Variants in ATRX observed in about 807,000 individuals in gnomAD.
ATRX encodes ATRX chromatin remodeler.
A neutral mutation model predicts 172.6 loss-of-function variants in ATRX; 12 were observed. The observed-to-expected ratio is 0.07, with a 90% confidence interval of 0.04 to 0.11. The LOEUF (loss-of-function observed/expected upper bound fraction) is 0.11. Among genes scored for constraint, ATRX ranks in the 10% least tolerant of loss-of-function variants. The pLI is 1.00. For synonymous variants in ATRX, 674 were observed against 594.7 expected, an observed-to-expected ratio of 1.13 and a Z score of -1.94; for missense variants, 1,368 against 1,767.4, an observed-to-expected ratio of 0.77 and a Z score of 4.05.
At chrX:77,511,921 A>G (rs930389419) in intron 34 of ATRX, among the ~76,000 whole-genome samples, 1 of 111,841 alleles carries the variant, frequency 8.9e-6, no homozygotes, top group Admixed American at 9.5e-5. Flanking sequence ...AGGGACAACA[A>G]CAGAGAATTC....
At chrX:77,522,876 G>C (rs1349108859) in intron 31 of ATRX, among the ~76,000 whole-genome samples, 2 of 111,436 alleles carry the variant, frequency 1.8e-5, no homozygotes, top group African/African-American at 3.3e-5. Flanking sequence ...TAGATTTCAT[G>C]GTATACATGC....
chrX:77,674,811 C>T (rs1557132614), intron 10 of ATRX: 3 of 111,384 alleles, frequency 2.7e-5, no homozygotes, highest in Non-Finnish European at 5.7e-5. Context: ...CAGTATCTGG[C>T]TGTGATGATA....
chrX:77,732,137 C>T, intron 1 of ATRX, among the ~76,000 whole-genome samples: 1 of 111,747 alleles, frequency 8.9e-6, no homozygotes, highest in Non-Finnish European at 1.9e-5. Context: ...GTGCTGTGCA[C>T]AGGCCTGCTC....
rs782027224 is a variant in ATRX at position 77,698,655 on chromosome X, T to C, written c.134-26A>G. On this transcript the variant is annotated intron_variant, in intron 2 of 34. Coordinates refer to ENST00000373344, the MANE Select transcript of ATRX (RefSeq NM_000489.6). ...CTAAAAAAGAAGAAATAAAGAACATTATTTATCTCTTCGATGCATTATCAA... is the reference window on the plus strand; with the variant it reads ...CTAAAAAAGAAGAAATAAAGAACATCATTTATCTCTTCGATGCATTATCAA... The C allele has an allele frequency of 5.3e-6, 6 of 1,139,599 alleles. No individual in the cohort carries two copies. In the Admixed American group the frequency reaches 8.8e-5, roughly 17 times the overall value. 93.9% of individuals were successfully genotyped at this position (1,139,599 alleles called of 1,213,427 possible).
At chrX:77,634,520 TG>T in intron 17 of ATRX, 73 bp downstream of exon 17, 1 of 912,342 alleles carries the variant, frequency 1.1e-6, no homozygotes, top group Non-Finnish European at 1.6e-6. Flanking sequence ...CGACTGTGCC[TG>T]AAACATAATA....
At position 77,600,571 on chromosome X, in the gene ATRX, A is replaced by T. The variant is rs781817733; in HGVS notation, c.5567-7T>A. ...TCACTATTATTGCCCACACCTGATC[A>T]AAAGAAATATGGTTAAAGACACAAA... On this transcript the variant is annotated splice_region_variant and splice_polypyrimidine_tract_variant and intron_variant, in intron 22 of 34. Transcript: ENST00000373344. 8.3e-7 allele frequency: 1 copy of T among 1,209,947 alleles called. No individual in the cohort carries two copies. The highest frequency in any genetic ancestry group is 1.1e-6 in the Non-Finnish European group (1 of 894,140).
chrX:77,560,922 A>G (rs782062951), intron 28 of ATRX, among the ~76,000 whole-genome samples: 7 of 112,012 alleles, frequency 6.2e-5, no homozygotes, highest in Non-Finnish European at 1.3e-4. Context: ...TGTATAACAT[A>G]GAGAAGTAAA....
chrX:77,649,163 TGAAAGAAAGAAAAA>T lies in ATRX; in HGVS notation c.4557+2937_4557+2950del, dbSNP rs1199292331. On this transcript the variant is annotated intron_variant, in intron 15 of 34. Transcript: ENST00000373344. ...TGAGAGACAGAGCAAGACCCTATCT[TGAAAGAAAGAAAAA>T]GAAAGAAAGAAAGGAAGGAAGGAAG... Among the ~76,000 whole-genome samples the T allele has an allele frequency of 2.8e-5, 3 of 106,474 alleles. No individual in the cohort carries two copies. In the South Asian group the frequency reaches 1.2e-3, roughly 44 times the overall value. The allele number at this position is 106,474 out of a possible 115,157, so 92.5% of individuals were successfully genotyped here. A position where few individuals can be genotyped will look rare whatever the true frequency, so the allele number is the denominator to read the frequency against.
At chrX:77,639,846 A>G (rs996672605) in intron 15 of ATRX, among the ~76,000 whole-genome samples, 1 of 112,463 alleles carries the variant, frequency 8.9e-6, no homozygotes, top group Admixed American at 9.4e-5. Flanking sequence ...TACCCAAAGG[A>G]AAATAAATAA....
At chrX:77,741,317 C>T (rs189152850) in intron 1 of ATRX, among the ~76,000 whole-genome samples, 210 of 111,571 alleles carry the variant, frequency 1.9e-3, no homozygotes, top group South Asian at 4.2e-3. Context: ...TTTCTTTTCG[C>T]TGCTCAGTAA....
intron 30 of ATRX, among the ~76,000 whole-genome samples, chrX:77,526,095 C>T (rs1470892509): frequency 9.0e-6 from 1 of 111,449 alleles, no homozygotes; most frequent in African/African-American, 3.3e-5. Flanking sequence ...GGCAAAGTAA[C>T]TTTTTCCGAT....
Position 77,521,393 on chromosome X carries a change from A to G in ATRX, c.7071+10T>C. 2 of 1,194,288 alleles carry G rather than the reference A, an allele frequency of 1.7e-6. No homozygotes were observed. Among genetic ancestry groups the G allele is most frequent in the Non-Finnish European group, 2.3e-6 (2 of 879,995 alleles). ...GGAGGTTGGAATAAGACAATTGCCA[A>G]TTAGCTTACTACAGCTGAAATTATA... On this transcript the variant is annotated intron_variant, in intron 33 of 34. Transcript: ENST00000373344.
chrX:77,601,787 T>C (rs1203295136), intron 22 of ATRX, among the ~76,000 whole-genome samples: 4 of 111,830 alleles, frequency 3.6e-5, no homozygotes, highest in African/African-American at 1.3e-4. Context: ...AATTTAGTAG[T>C]GATATGAAAC....
chrX:77,646,160 G>A (rs180895836), intron 15 of ATRX, among the ~76,000 whole-genome samples: 218 of 111,630 alleles, frequency 2.0e-3, no homozygotes, highest in African/African-American at 7.0e-3. Context: ...GGATCAAAAA[G>A]ACATAGATGG....
chrX:77,707,078 T>A (rs953004895), intron 2 of ATRX, among the ~76,000 whole-genome samples: 2 of 112,721 alleles, frequency 1.8e-5, no homozygotes, highest in African/African-American at 6.4e-5. Flanking sequence ...ACAACATGGA[T>A]AACCTTCAAC....
chrX:77,751,486 T>C (rs1266296115), intron 1 of ATRX, among the ~76,000 whole-genome samples: 3 of 112,051 alleles, frequency 2.7e-5, no homozygotes, highest in African/African-American at 9.7e-5. Context: ...TTCACTCCAA[T>C]GATAGTTTTT....
At chrX:77,557,100 C>T (rs193021904) in intron 30 of ATRX, among the ~76,000 whole-genome samples, 8 of 112,011 alleles carry the variant, frequency 7.1e-5, no homozygotes, top group African/African-American at 2.3e-4. Flanking sequence ...ACCCGAAATT[C>T]ACCATATGAA....
intron 15 of ATRX, among the ~76,000 whole-genome samples, chrX:77,642,637 T>A (rs1354663329): frequency 1.1e-5 from 1 of 90,817 alleles, no homozygotes; most frequent in African/African-American, 4.2e-5. Context: ...GGTGACAGAG[T>A]AAGACTGTCT....
At chrX:77,616,141 C>T (rs1255193872) in intron 22 of ATRX, 1 of 778,629 alleles carries the variant, frequency 1.3e-6, no homozygotes, top group Non-Finnish European at 1.5e-6. Context: ...CAGAAAACAA[C>T]TTCTGTTAGC....
Sources: gnomAD v4.1 joint callset for allele counts (sites outside exome capture counted in the v4.1 genomes callset) on GRCh38, gnomAD v4.1.1 for gene constraint, MANE v1.5 for transcripts, NCBI Gene and HGNC (gene_info 2026-07-23, HGNC 2026-07-21) for gene names.